Variants in UVRAG observed in about 807,000 individuals in gnomAD.
UVRAG encodes UV radiation resistance associated.
UVRAG carries 19 observed loss-of-function variants against 78.0 expected under a neutral mutation model. That is an observed-to-expected ratio of 0.24 (90% CI 0.17 to 0.36). The LOEUF (loss-of-function observed/expected upper bound fraction) is 0.36. UVRAG is among the 10% of genes least tolerant of loss of function. The pLI is 1.00. For missense variants in UVRAG, 740 were observed against 853.8 expected (o/e 0.87, Z 1.66); for synonymous variants, 323 against 324.6 (o/e 1.00, Z 0.05).
At chr11:76,087,425 T>C (rs1052000494) in intron 13 of UVRAG, among the ~76,000 whole-genome samples, 1 of 152,212 alleles carries the variant, frequency 6.6e-6, no homozygotes, top group East Asian at 1.9e-4. Flanking sequence ...TGAATACTTA[T>C]TGACTGCATC....
At chr11:76,125,174 A>C (rs1047957063) in intron 14 of UVRAG, among the ~76,000 whole-genome samples, 13 of 152,236 alleles carry the variant, frequency 8.5e-5, no homozygotes, top group African/African-American at 3.1e-4. Context: ...ATTGTCTTTG[A>C]AGTCTCAAGA....
At chr11:75,894,897 T>G (rs562233697) in intron 5 of UVRAG, among the ~76,000 whole-genome samples, 1 of 151,544 alleles carries the variant, frequency 6.6e-6, no homozygotes, top group South Asian at 2.1e-4. Flanking sequence ...CTTTGTCAAC[T>G]TGGTAGGTAA....
intron 1 of UVRAG, among the ~76,000 whole-genome samples, chr11:75,817,785 T>C (rs1340758521): frequency 2.6e-5 from 4 of 151,952 alleles, no homozygotes; most frequent in Non-Finnish European, 4.4e-5. Context: ...GGCTCACACC[T>C]GTAATCCTAG....
rs569434044 is a variant in UVRAG, at chr11:75,987,318, T to C, written c.826+3805T>C. Among the ~76,000 whole-genome samples the C allele has an allele frequency of 2.6e-5, 4 of 152,352 alleles. No individual in the cohort carries two copies. In the East Asian group the frequency reaches 7.7e-4, roughly 29 times the overall value. ...CTACTGAATATAGCATTGTTTCTCA[T>C]TGTAGTTTTGATTCAAATTTACCTA... On this transcript the variant is annotated intron_variant, in intron 8 of 14. Coordinates refer to ENST00000356136, the MANE Select transcript of UVRAG (RefSeq NM_003369.4).
chr11:75,852,046 A>T, intron 2 of UVRAG, 46 bp downstream of exon 2: 2 of 1,377,208 alleles, frequency 1.5e-6, no homozygotes, highest in Non-Finnish European at 2.0e-6. Context: ...TTATATTTTT[A>T]TTTTTTTTGT....
intron 5 of UVRAG, among the ~76,000 whole-genome samples, chr11:75,890,378 A>C (rs1407549576): frequency 6.6e-6 from 1 of 152,202 alleles, no homozygotes; most frequent in African/African-American, 2.4e-5. Context: ...GAGAGAAGAT[A>C]GATTTAAGAA....
intron 5 of UVRAG, chr11:75,911,362 C>A: frequency 6.1e-6 from 1 of 163,156 alleles, no homozygotes; most frequent in South Asian, 1.6e-4. Flanking sequence ...TGTCTTTGAT[C>A]CTGGGTGGGC....
intron 6 of UVRAG, among the ~76,000 whole-genome samples, chr11:75,931,367 T>C (rs1002397809): frequency 6.6e-6 from 1 of 152,148 alleles, no homozygotes; most frequent in Non-Finnish European, 1.5e-5. Flanking sequence ...TATTAAATGC[T>C]TGGATAGTGT....
intron 6 of UVRAG, among the ~76,000 whole-genome samples, chr11:75,926,966 T>TTAAAGCAAGTGTCCC (rs1948119571): frequency 6.6e-6 from 1 of 152,168 alleles, no homozygotes; most frequent in Non-Finnish European, 1.5e-5. Flanking sequence ...CATTTAATCC[T>TTAAAGCAAGTGTCCC]TAAAGCAAGT....
At chr11:75,868,348 G>A (rs948373773) in intron 3 of UVRAG, among the ~76,000 whole-genome samples, 3 of 152,176 alleles carry the variant, frequency 2.0e-5, no homozygotes, top group Non-Finnish European at 4.4e-5. Context: ...GGTGGTTTGA[G>A]GTGTTGCTAG....
At chr11:76,137,517 A>G in intron 14 of UVRAG, 1 of 454,438 alleles carries the variant, frequency 2.2e-6, no homozygotes, top group South Asian at 1.6e-5. Context: ...ATGGAGGGAA[A>G]AAATGTGGTG....
intron 14 of UVRAG, among the ~76,000 whole-genome samples, chr11:76,138,606 C>G (rs1286035887): frequency 3.9e-5 from 6 of 152,220 alleles, no homozygotes; most frequent in African/African-American, 1.4e-4. Context: ...CTTTTATCAG[C>G]CCACTGGGAG....
At chr11:75,868,191 G>A (rs1453317098) in intron 3 of UVRAG, among the ~76,000 whole-genome samples, 2 of 152,278 alleles carry the variant, frequency 1.3e-5, no homozygotes, top group South Asian at 2.1e-4. Context: ...TTGAGCAGAC[G>A]CCTGACAGAA....
intron 4 of UVRAG, among the ~76,000 whole-genome samples, chr11:75,885,711 T>C (rs1166796607): frequency 6.6e-6 from 1 of 152,152 alleles, no homozygotes; most frequent in Non-Finnish European, 1.5e-5. Context: ...CTATAATTGA[T>C]AAGTAAAGGA....
chr11:76,061,499 A>G (rs1490763864), intron 12 of UVRAG, among the ~76,000 whole-genome samples: 7 of 152,132 alleles, frequency 4.6e-5, no homozygotes, highest in East Asian at 3.8e-4. Context: ...TTGGGTCCAC[A>G]CTGTGTTTAT....
At chr11:76,137,514 GA>G (rs1291438786) in intron 14 of UVRAG, 5 of 451,266 alleles carry the variant, frequency 1.1e-5, no homozygotes, top group Non-Finnish European at 1.8e-5. Flanking sequence ...AAAATGGAGG[GA>G]AAAAATGTGG....
Position 76,143,169 on chromosome 11 carries a change from A to C in UVRAG, c.*1756A>C, listed in dbSNP as rs889196682. On this transcript the variant is annotated 3_prime_UTR_variant, in exon 15 of 15. Coordinates refer to ENST00000356136, the MANE Select transcript of UVRAG (RefSeq NM_003369.4). ...CACGTGCTGCGGGGCCCTCCAGGGA[A>C]GTAACATTTACCAAAAAAAAAGAAA... 2.0e-5 allele frequency: 3 copies of C among 151,940 alleles called. No homozygotes were observed. The highest frequency in any genetic ancestry group is 4.4e-5 in the Non-Finnish European group (3 of 68,032). The allele number at this position is 151,940 out of a possible 1,614,324, so 9.4% of individuals were successfully genotyped here. A position where few individuals can be genotyped will look rare whatever the true frequency, so the allele number is the denominator to read the frequency against.
chr11:75,972,939 A>G (rs544951785), intron 7 of UVRAG, among the ~76,000 whole-genome samples: 17 of 152,152 alleles, frequency 1.1e-4, no homozygotes, highest in African/African-American at 3.1e-4. Flanking sequence ...TTGTTTGTCA[A>G]TTCTTTTGGA....
At chr11:76,043,788 C>T (rs1263676075) in intron 12 of UVRAG, among the ~76,000 whole-genome samples, 4 of 152,000 alleles carry the variant, frequency 2.6e-5, no homozygotes, top group African/African-American at 9.7e-5. Context: ...GTATGTGTTC[C>T]AAGATACAAT....
Sources: gnomAD v4.1 joint callset for allele counts (sites outside exome capture counted in the v4.1 genomes callset) on GRCh38, gnomAD v4.1.1 for gene constraint, MANE v1.5 for transcripts, NCBI Gene and HGNC (gene_info 2026-07-23, HGNC 2026-07-21) for gene names.